Variants in CR1L observed in about 807,000 individuals in gnomAD.
CR1L encodes complement component receptor 1-like protein.
A neutral mutation model predicts 62.3 loss-of-function variants in CR1L; 59 were observed. The ratio of observed to expected loss-of-function variants is 0.95; its 90% CI spans 0.77 to 1.18. CR1L has a LOEUF of 1.18. CR1L is among the 50% of genes most tolerant of loss of function. The pLI, the probability that CR1L is intolerant of heterozygous loss-of-function variation, is 0.00. For synonymous variants in CR1L, 279 were observed against 248.7 expected (o/e 1.12, Z -1.15); for missense variants, 700 against 702.8 (o/e 1.00, Z 0.04).
At chr1:207,722,768 A>G (rs181098112) in intron 11 of CR1L, among the ~76,000 whole-genome samples, 2 of 152,178 alleles carry the variant, frequency 1.3e-5, no homozygotes, top group East Asian at 3.9e-4. Context: ...AAAATCTCTT[A>G]TGAAAAACAA....
At chr1:207,711,251 T>C (rs1381305423) in intron 10 of CR1L, 3 of 192,834 alleles carry the variant, frequency 1.6e-5, no homozygotes, top group Non-Finnish European at 3.2e-5. Flanking sequence ...GGCAGATACA[T>C]AGGGACAGAG....
intron 3 of CR1L, among the ~76,000 whole-genome samples, chr1:207,680,912 T>C (rs1663785108): frequency 1.3e-5 from 2 of 152,244 alleles, no homozygotes; most frequent in South Asian, 4.1e-4. Context: ...AAAATTTCTC[T>C]GTCTCTGCCT....
In CR1L at chr1:207,694,590, A is replaced by G. The variant is rs549247674; in HGVS notation, c.701A>G (p.Asn234Ser). The G allele has an allele frequency of 6.2e-7, 1 of 1,611,986 alleles. No individual in the cohort carries two copies. Among genetic ancestry groups the G allele is most frequent in the South Asian group, 1.1e-5 (1 of 90,992 alleles). The change falls in exon 5 of 12, where the codon AAT (asparagine) becomes AGT (serine). Residue 234 changes from asparagine (N) to serine (S), a missense_variant. By Grantham distance (46) the Asn-to-Ser change is conservative (BLOSUM62 1). Coordinates refer to ENST00000508064, the MANE Select transcript of CR1L (RefSeq NM_175710.2). ...ATACCTAACAAATGCACGCCTCCAAATGTGGAAAATGGAATATTGGTATCT... is the reference window on the plus strand; with the variant it reads ...ATACCTAACAAATGCACGCCTCCAAGTGTGGAAAATGGAATATTGGTATCT... ...CIIPNKCTPP[N>S]VENGILVSDN... is the part of the protein sequence containing the mutation.
In CR1L at chr1:207,677,537, A is replaced by T; in HGVS notation, c.246A>T (p.Ser82=). 2 of 1,613,970 alleles carry T rather than the reference A, an allele frequency of 1.2e-6. No individual in the cohort carries two copies. Among genetic ancestry groups the T allele is most frequent in the Non-Finnish European group, 1.7e-6 (2 of 1,179,870 alleles). The change falls in exon 2 of 12, where the codon TCA becomes TCT. Residue 82 remains serine (S), a synonymous_variant. Coordinates refer to ENST00000508064, the MANE Select transcript of CR1L (RefSeq NM_175710.2). ...TTTCTATCATCTGCCTAAAAAACTC[A>T]GTCTGGACAAGTGCTAAGGACAAGT... ...RPFSIICLKN[S]VWTSAKDKCK... is the part of the protein sequence containing the mutation.
chr1:207,665,199 A>C (rs1048554162), intron 1 of CR1L, among the ~76,000 whole-genome samples: 5 of 148,564 alleles, frequency 3.4e-5, no homozygotes, highest in African/African-American at 1.2e-4. Context: ...GGCTACAGGC[A>C]CCCGCCACCA....
chr1:207,710,290 C>A (rs1285792558), intron 10 of CR1L: 1 of 771,636 alleles, frequency 1.3e-6, no homozygotes, highest in Middle Eastern at 3.8e-4. Context: ...TTGCAGTGAG[C>A]CATGATCGTG....
chr1:207,676,299 T>C (rs11589472), intron 1 of CR1L, among the ~76,000 whole-genome samples: 15,080 of 152,144 alleles, frequency 0.099, 1,183 homozygotes, highest in East Asian at 0.38. Context: ...TTAAAGCAGG[T>C]GTCCTCAACC....
intron 3 of CR1L, among the ~76,000 whole-genome samples, chr1:207,680,707 A>G (rs938615947): frequency 4.6e-5 from 7 of 152,214 alleles, no homozygotes; most frequent in African/African-American, 1.7e-4. Flanking sequence ...ATGCAGCCTG[A>G]GTCATGCAGC....
At chr1:207,657,071 T>A in intron 1 of CR1L, 1 of 597,480 alleles carries the variant, frequency 1.7e-6, no homozygotes, top group Non-Finnish European at 3.0e-6. Flanking sequence ...GAAATTTTAC[T>A]AATGCTGCCT....
chr1:207,695,353 C>T (rs1015311510), intron 5 of CR1L, among the ~76,000 whole-genome samples: 1 of 152,144 alleles, frequency 6.6e-6, no homozygotes, highest in African/African-American at 2.4e-5. Flanking sequence ...TTGTCTCGAA[C>T]ACCTGAGCTG....
intron 4 of CR1L, among the ~76,000 whole-genome samples, chr1:207,689,663 G>A (rs940793146): frequency 7.9e-5 from 12 of 151,816 alleles, no homozygotes; most frequent in African/African-American, 1.7e-4. Flanking sequence ...TCTAGTCTCC[G>A]GAATAATTTG....
intron 1 of CR1L, among the ~76,000 whole-genome samples, chr1:207,647,217 A>G: frequency 6.6e-6 from 1 of 152,238 alleles, no homozygotes; most frequent in East Asian, 1.9e-4. Context: ...TAATTTTCTG[A>G]CAGCATTTAA....
At chr1:207,648,095 C>T (rs1663160399) in intron 1 of CR1L, among the ~76,000 whole-genome samples, 1 of 151,266 alleles carries the variant, frequency 6.6e-6, no homozygotes, top group Non-Finnish European at 1.5e-5. Context: ...ATCACTGGAG[C>T]CCCCATGGTC....
At chr1:207,704,127 A>G (rs1664235025) in intron 9 of CR1L, among the ~76,000 whole-genome samples, 1 of 152,248 alleles carries the variant, frequency 6.6e-6, no homozygotes, top group South Asian at 2.1e-4. Context: ...AGAGGTTAAA[A>G]TATCAACATT....
chr1:207,651,751 A>T, intron 1 of CR1L, among the ~76,000 whole-genome samples: 1 of 152,248 alleles, frequency 6.6e-6, no homozygotes, highest in Non-Finnish European at 1.5e-5. Context: ...AAACAATCCA[A>T]CAGCTACCTC....
intron 10 of CR1L, among the ~76,000 whole-genome samples, chr1:207,708,612 A>G (rs1162752497): frequency 6.6e-6 from 1 of 152,240 alleles, no homozygotes; most frequent in African/African-American, 2.4e-5. Context: ...TCCTCTCTGC[A>G]AGCTGTTAGT....
chr1:207,656,018 C>A (rs1252342345), intron 1 of CR1L, among the ~76,000 whole-genome samples: 1 of 152,132 alleles, frequency 6.6e-6, no homozygotes, highest in African/African-American at 2.4e-5. Context: ...GCGGGTGGAT[C>A]GCGAGGTCAG....
intron 1 of CR1L, among the ~76,000 whole-genome samples, chr1:207,647,415 C>T (rs936556159): frequency 5.9e-5 from 9 of 152,158 alleles, no homozygotes; most frequent in Admixed American, 2.6e-4. Context: ...TTGGAACCCC[C>T]CAACTCAGGT....
intron 1 of CR1L, among the ~76,000 whole-genome samples, chr1:207,656,416 A>T (rs989793178): frequency 6.6e-6 from 1 of 152,206 alleles, no homozygotes; most frequent in African/African-American, 2.4e-5. Context: ...AATTGTCAGC[A>T]TTTCTTGTGA....
Sources: allele counts gnomAD v4.1 joint callset (sites outside exome capture counted in the v4.1 genomes callset), GRCh38; gene constraint gnomAD v4.1.1; transcripts MANE v1.5; gene names NCBI Gene and HGNC (gene_info 2026-07-23, HGNC 2026-07-21).